The following SVIL variants were observed in gnomAD, a reference collection of about 807,000 sequenced individuals.
SVIL encodes supervillin, also known as archvillin.
SVIL carries 101 observed loss-of-function variants against 240.4 expected under a neutral mutation model. The ratio of observed to expected loss-of-function variants is 0.42; its 90% CI spans 0.36 to 0.50. The LOEUF (loss-of-function observed/expected upper bound fraction) is 0.50. SVIL is among the 20% of genes least tolerant of loss of function. The pLI is 0.01. For missense variants in SVIL, 2,512 were observed against 2,818.7 expected, an observed-to-expected ratio of 0.89 and a Z score of 2.46; for synonymous variants, 999 against 1,100.0, an observed-to-expected ratio of 0.91 and a Z score of 1.82.
Position 29,735,006 on chromosome 10 carries a change from C to A in SVIL, c.-400+745G>T, listed in dbSNP as rs1216438849. ...CATGCCAACGCCTGAAGCTCTTAAT[C>A]CCGCACCTGACCCAGATTGCGGCCT... On this transcript the variant is annotated intron_variant, in intron 1 of 35. Transcript: ENST00000375400. This position sits in a 1 kb window ranked among gnomAD's most constrained non-coding sequence, Gnocchi z 4.1. Among the ~76,000 whole-genome samples the A allele has an allele frequency of 2.0e-5, 3 of 152,212 alleles. No individual in the cohort carries two copies. Among genetic ancestry groups the A allele is most frequent in the Non-Finnish European group, 4.4e-5 (3 of 68,040 alleles).
intron 1 of SVIL, among the ~76,000 whole-genome samples, chr10:29,579,802 G>A (rs1463976818): frequency 6.6e-6 from 1 of 152,184 alleles, no homozygotes; most frequent in Non-Finnish European, 1.5e-5. Context: ...GGAAAGGGAA[G>A]TAGCCAGCAC....
chr10:29,541,383 T>C (rs554344886), intron 6 of SVIL, among the ~76,000 whole-genome samples: 3 of 152,322 alleles, frequency 2.0e-5, no homozygotes, highest in African/African-American at 7.2e-5. Context: ...ATGATGATTA[T>C]ACATTTACCC....
intron 3 of SVIL, among the ~76,000 whole-genome samples, chr10:29,641,360 C>T (rs1208294987): frequency 6.6e-6 from 1 of 152,036 alleles, no homozygotes; most frequent in African/African-American, 2.4e-5. Context: ...CACCTGAGGT[C>T]AGGAGTTTGT....
intron 1 of SVIL, among the ~76,000 whole-genome samples, chr10:29,727,248 T>C (rs1044453396): frequency 6.6e-6 from 1 of 152,130 alleles, no homozygotes; most frequent in African/African-American, 2.4e-5. Flanking sequence ...TAACACCAAT[T>C]AAAGAAGATT....
At chr10:29,680,922 A>C (rs1442949401) in intron 2 of SVIL, among the ~76,000 whole-genome samples, 1 of 152,010 alleles carries the variant, frequency 6.6e-6, no homozygotes, top group African/African-American at 2.4e-5. Context: ...CCATCTCAAA[A>C]AAAAAAATAG....
chr10:29,545,531 G>A (rs183282304), intron 6 of SVIL, among the ~76,000 whole-genome samples: 1 of 152,208 alleles, frequency 6.6e-6, no homozygotes, highest in African/African-American at 2.4e-5. Flanking sequence ...ACTAATAAAC[G>A]AGGGTTTTCT....
chr10:29,459,390 G>T (rs1943961624), intron 36 of SVIL, among the ~76,000 whole-genome samples: 1 of 152,098 alleles, frequency 6.6e-6, no homozygotes, highest in African/African-American at 2.4e-5. Context: ...ACTGTCTCTG[G>T]AAAAATGTTT....
chr10:29,522,675 G>A (rs542623510), intron 15 of SVIL, 40 bp from the exon 16 acceptor site: 1 of 1,594,374 alleles, frequency 6.3e-7, no homozygotes, highest in East Asian at 2.3e-5. Flanking sequence ...GAACTCCTCA[G>A]GCAAACATTC....
chr10:29,643,884 T>C (rs181223431), intron 3 of SVIL: 2 of 450,326 alleles, frequency 4.4e-6, no homozygotes, highest in African/African-American at 4.0e-5. Context: ...ACTGCTGGCC[T>C]CGTGGTCAAA....
chr10:29,628,354 TATA>T (rs1957955143), intron 1 of SVIL, among the ~76,000 whole-genome samples: 1 of 152,242 alleles, frequency 6.6e-6, no homozygotes, highest in Admixed American at 6.5e-5. Flanking sequence ...ATAAATTAGA[TATA>T]ATGTTTCAGA....
chr10:29,582,510 G>T (rs1955987280), intron 1 of SVIL, among the ~76,000 whole-genome samples: 1 of 152,136 alleles, frequency 6.6e-6, no homozygotes, highest in African/African-American at 2.4e-5. Context: ...GCTGAGGCAG[G>T]AGGACTGCTT....
chr10:29,726,787 G>A (rs1283617588), intron 1 of SVIL, among the ~76,000 whole-genome samples: 1 of 152,026 alleles, frequency 6.6e-6, no homozygotes, highest in Admixed American at 6.6e-5. Context: ...AGCATGTCAA[G>A]CCCTCAAAGC....
intron 29 of SVIL, among the ~76,000 whole-genome samples, chr10:29,477,675 C>T (rs911362857): frequency 2.6e-5 from 4 of 152,206 alleles, no homozygotes; most frequent in African/African-American, 7.2e-5. Flanking sequence ...CAAGTGCCAT[C>T]GGGCTGTGCT....
At chr10:29,506,778 A>AGAGGCCCTATGAGGGAGG (rs1949373742) in intron 17 of SVIL, among the ~76,000 whole-genome samples, 2 of 81,616 alleles carry the variant, frequency 2.5e-5, no homozygotes, top group Non-Finnish European at 5.8e-5. Context: ...CTAGAGGGAA[A>AGAGGCCCTATGAGGGAGG]GGACAGAGGC....
At chr10:29,541,601 T>G (rs559737986) in intron 6 of SVIL, among the ~76,000 whole-genome samples, 71 of 152,306 alleles carry the variant, frequency 4.7e-4, no homozygotes, top group African/African-American at 1.6e-3. Flanking sequence ...GCCTGAATGC[T>G]GTAACCGCAG....
intron 1 of SVIL, among the ~76,000 whole-genome samples, chr10:29,709,598 C>T (rs1462540468): frequency 1.3e-5 from 2 of 152,194 alleles, no homozygotes; most frequent in Non-Finnish European, 2.9e-5. Context: ...GACTTTTCTC[C>T]TATGGGGTAT....
intron 1 of SVIL, among the ~76,000 whole-genome samples, chr10:29,607,248 C>T (rs1430789373): frequency 1.3e-5 from 2 of 152,180 alleles, no homozygotes; most frequent in African/African-American, 4.8e-5. Flanking sequence ...TTCTGGCTTT[C>T]TAATATGTTC....
At chr10:29,696,941 C>G (rs1564772622) in intron 1 of SVIL, among the ~76,000 whole-genome samples, 1 of 146,526 alleles carries the variant, frequency 6.8e-6, no homozygotes, top group Non-Finnish European at 1.5e-5. Flanking sequence ...TCTGCCCAGC[C>G]AGACGCCCCG....
chr10:29,655,838 C>T (rs1458310749), intron 3 of SVIL, among the ~76,000 whole-genome samples: 1 of 150,904 alleles, frequency 6.6e-6, no homozygotes, highest in Non-Finnish European at 1.5e-5. Context: ...GAAGAAGTTC[C>T]CTTCTATTCC....
Sources: allele counts gnomAD v4.1 joint callset (sites outside exome capture counted in the v4.1 genomes callset), GRCh38; gene constraint gnomAD v4.1.1; non-coding constraint Gnocchi (gnomAD v3.1); transcripts MANE v1.5; gene names NCBI Gene and HGNC (gene_info 2026-07-23, HGNC 2026-07-21).